The following CDH3 variants were observed in gnomAD, a reference collection of about 807,000 sequenced individuals.
The protein encoded by CDH3 is cadherin 3, also known as cadherin-3.
Under a neutral mutation model 82.0 loss-of-function variants are expected in CDH3, and 54 were observed. That is an observed-to-expected ratio of 0.66 (90% CI 0.53 to 0.83). The LOEUF (loss-of-function observed/expected upper bound fraction) is 0.83, where lower values mean the gene tolerates loss of function less well. Ranked by LOEUF, CDH3 falls within the 40% of genes least tolerant of loss-of-function variation. The probability of loss-of-function intolerance (pLI) is 0.00; values close to 1 mark genes in which losing one functional copy is unlikely to be tolerated. For missense variants in CDH3, 1,054 were observed against 1,084.6 expected, an observed-to-expected ratio of 0.97 and a Z score of 0.40; for synonymous variants, 446 against 437.9, an observed-to-expected ratio of 1.02 and a Z score of -0.23.
chr16:68,702,747 C>T (rs924913080), downstream of CDH3, among the ~76,000 whole-genome samples: 2 of 152,058 alleles, frequency 1.3e-5, no homozygotes, highest in Non-Finnish European at 2.9e-5. Flanking sequence ...TGCCTGTTAT[C>T]CCAGCTACTC....
downstream of CDH3, among the ~76,000 whole-genome samples, chr16:68,727,821 A>T (rs1962234760): frequency 6.6e-6 from 1 of 152,106 alleles, no homozygotes; most frequent in Non-Finnish European, 1.5e-5. Context: ...AGACAGGAGA[A>T]TCGCTTGAAA....
chr16:68,692,922 T>C (rs1961615542), intron 13 of CDH3, among the ~76,000 whole-genome samples: 1 of 152,176 alleles, frequency 6.6e-6, no homozygotes, highest in Non-Finnish European at 1.5e-5. Flanking sequence ...CTGGCCAATG[T>C]GGTGAAATCC....
rs962715549 is a variant in CDH3 at position 68,682,205 on chromosome 16, G to A, written c.997-97G>A. 3 of 1,364,006 alleles carry A rather than the reference G, an allele frequency of 2.2e-6. No individual in the cohort carries two copies. The Admixed American group carries it at 5.9e-5, about 27-fold the overall frequency. 84.5% of individuals were successfully genotyped at this position (1,364,006 alleles called of 1,614,324 possible). A position where few individuals can be genotyped will look rare whatever the true frequency, so the allele number is the denominator to read the frequency against. ...GTGGGTGGTCCAGGAAAGGGTAAAG[G>A]CATGGGGATCCCCTGAGGTTGGATG... On this transcript the variant is annotated intron_variant, in intron 8 of 15. Coordinates refer to ENST00000264012, the MANE Select transcript of CDH3 (RefSeq NM_001793.6).
chr16:68,706,521 G>C (rs1294505249), intron 1 of CDH3, among the ~76,000 whole-genome samples: 1 of 147,952 alleles, frequency 6.8e-6, no homozygotes, highest in African/African-American at 2.5e-5. Flanking sequence ...GGACAAAGAT[G>C]CTGGTTCTAG....
At chr16:68,663,022 C>G (rs1014939788) in intron 2 of CDH3, among the ~76,000 whole-genome samples, 1 of 151,064 alleles carries the variant, frequency 6.6e-6, no homozygotes, top group South Asian at 2.1e-4. Context: ...GTGCCTGCCA[C>G]CACACCCAGC....
intron 1 of CDH3, 53 bp from the exon 2 acceptor site, chr16:68,645,583 A>G (rs1960029522): frequency 5.4e-6 from 8 of 1,487,992 alleles, no homozygotes; most frequent in East Asian, 2.5e-5. Flanking sequence ...TGGGGAGTGC[A>G]GGGCCGGGCA....
rs1467557032 is a variant in CDH3, at chr16:68,695,345, T to G, written c.2093T>G (p.Val698Gly). Reference sequence around the variant, plus strand: ...CCAGAAGATGACACCCGTGACAACGTCTTCTACTATGGCGAAGAGGGGGGT... The same window carrying G: ...CCAGAAGATGACACCCGTGACAACGGCTTCTACTATGGCGAAGAGGGGGGT... ...LLPEDDTRDNVFYYGEEGGGE... is the reference protein window; with the variant it reads ...LLPEDDTRDNGFYYGEEGGGE... The change falls in exon 14 of 16, where the codon GTC (valine) becomes GGC (glycine). Residue 698 changes from valine (V) to glycine (G), a missense_variant. Val to Gly is a moderately radical substitution (Grantham distance 109, BLOSUM62 -3). Coordinates refer to ENST00000264012, the MANE Select transcript of CDH3 (RefSeq NM_001793.6). The G allele has an allele frequency of 6.2e-7, 1 of 1,613,776 alleles. No individual in the cohort carries two copies. Among genetic ancestry groups the G allele is most frequent in the African/African-American group, 1.3e-5 (1 of 74,870 alleles).
At position 68,645,321 on chromosome 16, in the gene CDH3, A is replaced by G; in HGVS notation, c.-59A>G. The G allele has an allele frequency of 6.4e-7, 1 of 1,568,576 alleles. No homozygotes were observed. Among genetic ancestry groups the G allele is most frequent in the Non-Finnish European group, 8.7e-7 (1 of 1,144,220 alleles). ...GGGCTGCGGTGCTCAAAGGGGCAAG[A>G]GCTGAGCGGAACACCGGCCCGCCGT... On this transcript the variant is annotated 5_prime_UTR_variant, in exon 1 of 16. Coordinates refer to ENST00000264012, the MANE Select transcript of CDH3 (RefSeq NM_001793.6).
intron 1 of CDH3, among the ~76,000 whole-genome samples, chr16:68,716,635 A>AAAAAG (rs1567464329): frequency 1.3e-5 from 2 of 150,566 alleles, no homozygotes; most frequent in African/African-American, 4.9e-5. Context: ...AAAAAAAAAA[A>AAAAAG]AAAAGAAAAG....
intron 2 of CDH3, among the ~76,000 whole-genome samples, chr16:68,647,365 T>A (rs1960104459): frequency 6.6e-6 from 1 of 151,358 alleles, no homozygotes; most frequent in African/African-American, 2.4e-5. Context: ...AAATATCAGA[T>A]TAGCTGTCAC....
rs1274478350 is a variant in CDH3 at position 68,691,885 on chromosome 16, G to A, written c.1961G>A (p.Gly654Asp). 5 of 1,613,938 alleles carry A rather than the reference G, an allele frequency of 3.1e-6. No homozygotes were observed. The highest frequency in any genetic ancestry group is 1.7e-5 in the Admixed American group (1 of 60,006). Residue 654 changes from glycine to aspartate, a missense_variant, in exon 13 of 16, where the codon GGT becomes GAT. Transcript: ENST00000264012. ...ACCTGCCCTGGACCCTGGAAGGGAG[G>A]TTTCATCCTCCCTGTGCTGGGGGCT... ...VETCPGPWKG[G>D]FILPVLGAVL...
downstream of CDH3, among the ~76,000 whole-genome samples, chr16:68,702,128 G>A (rs1026129393): frequency 1.5e-4 from 23 of 152,160 alleles, no homozygotes; most frequent in Admixed American, 1.4e-3. Context: ...ACCTCGACGA[G>A]TGATCTGCCC....
intron 1 of CDH3, among the ~76,000 whole-genome samples, chr16:68,708,439 C>T (rs1461179628): frequency 6.6e-6 from 1 of 152,044 alleles, no homozygotes; most frequent in Non-Finnish European, 1.5e-5. Flanking sequence ...AGAGCCTCTG[C>T]ACTTGCTGTG....
chr16:68,690,310 G>A (rs944338264), intron 12 of CDH3, among the ~76,000 whole-genome samples: 2 of 152,174 alleles, frequency 1.3e-5, no homozygotes, highest in Non-Finnish European at 2.9e-5. Context: ...CAAGTCATGT[G>A]CGTTTAGTTT....
intron 1 of CDH3, among the ~76,000 whole-genome samples, chr16:68,705,678 T>C (rs1419214536): frequency 6.6e-6 from 1 of 151,108 alleles, no homozygotes; most frequent in Admixed American, 6.6e-5. Context: ...TGCCTCGGCC[T>C]CCCAAACTGC....
chr16:68,681,606 C>T (rs889955453), intron 8 of CDH3, among the ~76,000 whole-genome samples: 5 of 152,172 alleles, frequency 3.3e-5, no homozygotes, highest in Non-Finnish European at 5.9e-5. Flanking sequence ...GAGGCCAAGG[C>T]GGGCAGAACA....
chr16:68,686,287 G>C (rs1381323743), intron 11 of CDH3: 15 of 689,924 alleles, frequency 2.2e-5, no homozygotes, highest in Non-Finnish European at 3.9e-5. Flanking sequence ...CTGCACCCAG[G>C]CGGTCTTTTC....
In CDH3 at chr16:68,694,455, C is replaced by A. The variant is rs532535386; in HGVS notation, c.2003-800C>A. Among the ~76,000 whole-genome samples the A allele has an allele frequency of 3.4e-3, 511 of 151,820 alleles. 3 individuals carry two copies. The highest frequency in any genetic ancestry group is 0.012 in the African/African-American group (484 of 41,374). On this transcript the variant is annotated intron_variant, in intron 13 of 15. Transcript: ENST00000264012. ...TGGCCAACATGGTGAAACCCTGTCTCTACTGAAAATACAAAAATTAGCCAG... is the reference window on the plus strand; with the variant it reads ...TGGCCAACATGGTGAAACCCTGTCTATACTGAAAATACAAAAATTAGCCAG...
At chr16:68,723,780 G>A (rs1284906409) in intron 2 of CDH3, among the ~76,000 whole-genome samples, 1 of 151,516 alleles carries the variant, frequency 6.6e-6, no homozygotes, top group African/African-American at 2.4e-5. Context: ...AAAATTAGCC[G>A]GGTGTGAGGC....
Sources: allele counts gnomAD v4.1 joint callset (sites outside exome capture counted in the v4.1 genomes callset), GRCh38; gene constraint gnomAD v4.1.1; transcripts MANE v1.5; gene names NCBI Gene and HGNC (gene_info 2026-07-23, HGNC 2026-07-21).